The following UST variants were observed in gnomAD, a reference collection of about 807,000 sequenced individuals.
UST encodes uronyl 2-sulfotransferase, also known as chondroitin sulfate 2-O-sulfotransferase.
UST carries 21 observed loss-of-function variants against 45.6 expected under a neutral mutation model. The ratio of observed to expected loss-of-function variants is 0.46; its 90% CI spans 0.33 to 0.66. The LOEUF is 0.66. Ranked by LOEUF, UST falls within the 30% of genes least tolerant of loss-of-function variation. The pLI is 0.02. For synonymous variants in UST, 215 were observed against 200.6 expected, an observed-to-expected ratio of 1.07 and a Z score of -0.61; for missense variants, 463 against 512.4, an observed-to-expected ratio of 0.90 and a Z score of 0.93.
intron 3 of UST, among the ~76,000 whole-genome samples, chr6:148,942,650 A>G (rs1780151268): frequency 6.6e-6 from 1 of 152,208 alleles, no homozygotes. Context: ...GCTTTGAAAC[A>G]TTCAGAACCT....
intron 5 of UST, among the ~76,000 whole-genome samples, chr6:149,012,539 A>G (rs892251724): frequency 6.6e-6 from 1 of 152,184 alleles, no homozygotes; most frequent in Non-Finnish European, 1.5e-5. Flanking sequence ...CATAATATCC[A>G]TATTTTTAGC....
At chr6:148,796,518 G>C (rs1306312830) in intron 1 of UST, among the ~76,000 whole-genome samples, 1 of 150,222 alleles carries the variant, frequency 6.7e-6, no homozygotes, top group Non-Finnish European at 1.5e-5. Context: ...CAGCTACTCA[G>C]GAAGCTGAGG....
At chr6:149,052,194 T>C (rs556523738) in intron 7 of UST, among the ~76,000 whole-genome samples, 2 of 152,370 alleles carry the variant, frequency 1.3e-5, no homozygotes, top group East Asian at 3.9e-4. Flanking sequence ...CATTAACACA[T>C]TAAGTTTCAA....
At chr6:148,823,912 G>T (rs549755134) in intron 1 of UST, among the ~76,000 whole-genome samples, 4 of 152,108 alleles carry the variant, frequency 2.6e-5, no homozygotes, top group African/African-American at 9.7e-5. Flanking sequence ...AGCAATTTTC[G>T]TGTCACTTAT....
Position 148,911,130 on chromosome 6 carries a change from G to C in UST, c.291+24101G>C, listed in dbSNP as rs376340544. 1.4e-3 allele frequency among the ~76,000 whole-genome samples: 220 copies of C among 152,248 alleles called. 1 individual carries two copies. The highest frequency in any genetic ancestry group is 5.0e-3 in the African/African-American group (209 of 41,528). The stretch of plus-strand genomic sequence containing the variant: ...CTTGCCCTGACCCCAGGCACCTCTA[G>C]CCCTTTTTTCAGAGATTCAGAAAAG... On this transcript the variant is annotated intron_variant, in intron 2 of 7. Coordinates refer to ENST00000367463, the MANE Select transcript of UST (RefSeq NM_005715.3).
At chr6:148,861,444 A>G (rs919065363) in intron 1 of UST, among the ~76,000 whole-genome samples, 1 of 151,772 alleles carries the variant, frequency 6.6e-6, no homozygotes, top group Non-Finnish European at 1.5e-5. Context: ...TTTTCAAAAA[A>G]CCAGCTCCTG....
At chr6:149,045,763 C>G (rs1776386527) in intron 7 of UST, among the ~76,000 whole-genome samples, 1 of 152,186 alleles carries the variant, frequency 6.6e-6, no homozygotes, top group South Asian at 2.1e-4. Flanking sequence ...CAACCCCCTT[C>G]TAGTTCTCCA....
intron 2 of UST, among the ~76,000 whole-genome samples, chr6:148,896,165 C>T (rs1428360602): frequency 6.6e-6 from 1 of 152,228 alleles, no homozygotes; most frequent in African/African-American, 2.4e-5. Flanking sequence ...TCCCGGAGGG[C>T]AGGATTGCTG....
At chr6:148,990,959 GC>G (rs1467462757) in intron 5 of UST, among the ~76,000 whole-genome samples, 1 of 152,120 alleles carries the variant, frequency 6.6e-6, no homozygotes, top group Non-Finnish European at 1.5e-5. Flanking sequence ...ACTCTCCTAA[GC>G]CCTGGAACAG....
chr6:148,794,134 T>A (rs1181017177), intron 1 of UST, among the ~76,000 whole-genome samples: 1 of 152,238 alleles, frequency 6.6e-6, no homozygotes, highest in Non-Finnish European at 1.5e-5. Context: ...CCAAGATACT[T>A]TCAACTTTCC....
At chr6:148,805,068 T>A (rs1777121797) in intron 1 of UST, among the ~76,000 whole-genome samples, 1 of 152,138 alleles carries the variant, frequency 6.6e-6, no homozygotes, top group Admixed American at 6.5e-5. Context: ...TATTTTTGAG[T>A]TTCACGTGAT....
intron 1 of UST, among the ~76,000 whole-genome samples, chr6:148,789,085 G>A (rs1776788242): frequency 6.6e-6 from 1 of 152,148 alleles, no homozygotes; most frequent in Non-Finnish European, 1.5e-5. Context: ...ATATCTTTTG[G>A]TTTGCTGAGA....
At chr6:148,753,717 G>A (rs1416876393) in intron 1 of UST, among the ~76,000 whole-genome samples, 1 of 152,102 alleles carries the variant, frequency 6.6e-6, no homozygotes, top group Non-Finnish European at 1.5e-5. Context: ...TGAATCATAT[G>A]GTAACTCTAA....
At chr6:149,068,494 C>T (rs1776773981) in intron 7 of UST, among the ~76,000 whole-genome samples, 1 of 152,124 alleles carries the variant, frequency 6.6e-6, no homozygotes, top group Non-Finnish European at 1.5e-5. Flanking sequence ...AAAAATATAC[C>T]ACAAAGCATT....
chr6:148,821,798 A>T (rs1033063125), intron 1 of UST, among the ~76,000 whole-genome samples: 1 of 152,110 alleles, frequency 6.6e-6, no homozygotes, highest in African/African-American at 2.4e-5. Flanking sequence ...TCCCCCGTTT[A>T]CTTATTATTC....
At chr6:148,859,521 G>T (rs1778267927) in intron 1 of UST, among the ~76,000 whole-genome samples, 1 of 152,078 alleles carries the variant, frequency 6.6e-6, no homozygotes, top group Non-Finnish European at 1.5e-5. Context: ...GTCAATTTTG[G>T]CTTTTGTTGC....
At chr6:149,057,030 G>T (rs1365125681) in intron 7 of UST, among the ~76,000 whole-genome samples, 1 of 152,092 alleles carries the variant, frequency 6.6e-6, no homozygotes, top group Non-Finnish European at 1.5e-5. Context: ...ACTCACCATT[G>T]GTTCACTCAC....
chr6:148,978,679 G>C (rs866557228), intron 5 of UST, among the ~76,000 whole-genome samples: 5 of 152,074 alleles, frequency 3.3e-5, no homozygotes, highest in Non-Finnish European at 7.3e-5. Context: ...TCAGGGGTTG[G>C]GGGGAAAGGG....
In UST at chr6:148,941,448, G is replaced by C; in HGVS notation, c.447+14G>C. ...AAAAATGAACAAGTAAGTTGACTTT[G>C]CACATTGTTAAATTGTGTTTTGCTT... On this transcript the variant is annotated intron_variant, in intron 3 of 7. Coordinates refer to ENST00000367463, the MANE Select transcript of UST (RefSeq NM_005715.3). The C allele has an allele frequency of 6.3e-7, 1 of 1,583,704 alleles. No individual in the cohort carries two copies.
Sources: allele counts gnomAD v4.1 joint callset (sites outside exome capture counted in the v4.1 genomes callset), GRCh38; gene constraint gnomAD v4.1.1; transcripts MANE v1.5; gene names NCBI Gene and HGNC (gene_info 2026-07-23, HGNC 2026-07-21).